STAB2: variants seen among roughly 807,000 people sequenced by gnomAD.
The protein encoded by STAB2 is stabilin-2.
A neutral mutation model predicts 338.1 loss-of-function variants in STAB2; 288 were observed. The ratio of observed to expected loss-of-function variants is 0.85; its 90% CI spans 0.77 to 0.94. STAB2 has a LOEUF of 0.94. Among genes scored for constraint, STAB2 ranks in the 40% least tolerant of loss-of-function variants. The pLI is 0.00. For synonymous variants in STAB2, 1,202 were observed against 1,193.3 expected (o/e 1.01, Z -0.15); for missense variants, 3,141 against 3,210.1 (o/e 0.98, Z 0.52).
chr12:103,707,311 G>T (rs1447823268), intron 38 of STAB2, among the ~76,000 whole-genome samples: 1 of 152,220 alleles, frequency 6.6e-6, no homozygotes, highest in East Asian at 1.9e-4. Context: ...GACATTGCTT[G>T]ATAGTTTGAA....
intron 3 of STAB2, among the ~76,000 whole-genome samples, chr12:103,596,780 C>T (rs532013398): frequency 2.0e-4 from 31 of 151,994 alleles, no homozygotes; most frequent in African/African-American, 6.3e-4. Context: ...GAGGCAAGGT[C>T]CACATCTACA....
At chr12:103,747,458 C>G (rs1324823373) in intron 58 of STAB2, among the ~76,000 whole-genome samples, 1 of 152,186 alleles carries the variant, frequency 6.6e-6, no homozygotes, top group African/African-American at 2.4e-5. Flanking sequence ...TGCCATCGTT[C>G]ACTCACCTCA....
chr12:103,703,065 T>A (rs1204843954), intron 34 of STAB2, 83 bp from the exon 35 acceptor site: 1 of 1,439,074 alleles, frequency 6.9e-7, no homozygotes, highest in Non-Finnish European at 9.4e-7. Flanking sequence ...TAGGCAATTG[T>A]CCTATTGCTA....
chr12:103,733,688 T>G (rs1470352981), intron 51 of STAB2, among the ~76,000 whole-genome samples: 1 of 151,928 alleles, frequency 6.6e-6, no homozygotes, highest in Non-Finnish European at 1.5e-5. Context: ...TAGGAACATA[T>G]GTGATATAGG....
At chr12:103,701,592 T>A (rs538382444) in intron 34 of STAB2, among the ~76,000 whole-genome samples, 4 of 152,382 alleles carry the variant, frequency 2.6e-5, no homozygotes, top group South Asian at 2.1e-4. Context: ...TAGACTTTTT[T>A]AAATGCCAAA....
At chr12:103,609,545 G>C (rs1300281183) in intron 3 of STAB2, among the ~76,000 whole-genome samples, 1 of 152,150 alleles carries the variant, frequency 6.6e-6, no homozygotes, top group Non-Finnish European at 1.5e-5. Context: ...TTTGTATCCT[G>C]AGACTTTGCT....
At position 103,703,247 on chromosome 12, in the gene STAB2, T is replaced by A; in HGVS notation, c.3814T>A (p.Cys1272Ser). The A allele has an allele frequency of 6.2e-7, 1 of 1,613,748 alleles. No homozygotes were observed. The highest frequency in any genetic ancestry group is 1.1e-5 in the South Asian group (1 of 91,074). Residue 1272 changes from cysteine to serine, a missense_variant, in exon 35 of 69, where the codon TGT becomes AGT. Cys to Ser is a moderately radical substitution (Grantham distance 112). Transcript: ENST00000388887. Reference protein sequence around the residue: ...GKVLEIQKNRCDNNDTTIIRG... With the variant: ...GKVLEIQKNRSDNNDTTIIRG... ...AGTTCTGGAAATTCAGAAGAACAGA[T>A]GTGATAATAATGACACTACTATTAT...
chr12:103,686,029 C>T (rs757758199), intron 27 of STAB2, among the ~76,000 whole-genome samples: 4 of 152,172 alleles, frequency 2.6e-5, no homozygotes, highest in Non-Finnish European at 5.9e-5. Context: ...CCTCTACAAC[C>T]ATAAACTCTT....
At chr12:103,610,292 C>A (rs11503460) in intron 3 of STAB2, among the ~76,000 whole-genome samples, 48,895 of 152,030 alleles carry the variant, frequency 0.32, 10,026 homozygotes, top group African/African-American at 0.58. Flanking sequence ...CTCTGGTAGA[C>A]TTCGGCTGTG....
intron 41 of STAB2, among the ~76,000 whole-genome samples, 179 bp from the exon 42 acceptor site, chr12:103,713,464 T>C (rs951758604): frequency 1.3e-5 from 2 of 152,226 alleles, no homozygotes. Flanking sequence ...TAAAAGCAGC[T>C]AGAAAGGGCA....
chr12:103,611,148 G>A (rs1447008359), intron 3 of STAB2, among the ~76,000 whole-genome samples: 1 of 152,192 alleles, frequency 6.6e-6, no homozygotes. Flanking sequence ...GTGGTGCTGA[G>A]AAGAATGTAT....
intron 20 of STAB2, 122 bp downstream of exon 20, chr12:103,668,851 C>A: frequency 1.2e-6 from 1 of 802,170 alleles, no homozygotes; most frequent in Non-Finnish European, 1.9e-6. Flanking sequence ...TGTCTTCCTG[C>A]AGAGGAATCA....
intron 5 of STAB2, among the ~76,000 whole-genome samples, chr12:103,629,432 C>T (rs1190590402): frequency 6.6e-6 from 1 of 152,200 alleles, no homozygotes; most frequent in Non-Finnish European, 1.5e-5. Context: ...ACCATTGGTG[C>T]TCTCCTGGTG....
intron 58 of STAB2, 71 bp from the exon 59 acceptor site, chr12:103,748,892 C>CCATA (rs1883323007): frequency 6.6e-7 from 1 of 1,521,532 alleles, no homozygotes; most frequent in Admixed American, 1.9e-5. Context: ...CTGTGGTGCC[C>CCATA]CATACCCTGA....
At chr12:103,693,761 C>A (rs1239474310) in intron 31 of STAB2, among the ~76,000 whole-genome samples, 2 of 152,116 alleles carry the variant, frequency 1.3e-5, no homozygotes, top group African/African-American at 4.8e-5. Context: ...TTAGGATCTT[C>A]ATTTAAAATG....
At chr12:103,606,834 A>G (rs575607599) in intron 3 of STAB2, among the ~76,000 whole-genome samples, 4 of 152,200 alleles carry the variant, frequency 2.6e-5, no homozygotes, top group Admixed American at 1.3e-4. Flanking sequence ...AATACAAAAA[A>G]TTGGCTGGGC....
intron 10 of STAB2, among the ~76,000 whole-genome samples, chr12:103,649,397 G>A (rs2138723562): frequency 6.6e-6 from 1 of 152,228 alleles, no homozygotes; most frequent in South Asian, 2.1e-4. Context: ...TCATGTATTT[G>A]CAAATGACTT....
intron 3 of STAB2, among the ~76,000 whole-genome samples, chr12:103,601,637 T>C (rs1339865058): frequency 1.3e-5 from 2 of 152,174 alleles, no homozygotes; most frequent in Admixed American, 6.5e-5. Flanking sequence ...CTCTGGCTTC[T>C]GGAATGTGCT....
At chr12:103,619,967 C>T (rs1957272860) in intron 3 of STAB2, among the ~76,000 whole-genome samples, 2 of 152,220 alleles carry the variant, frequency 1.3e-5, no homozygotes, top group South Asian at 4.1e-4. Flanking sequence ...AGGGATGTCT[C>T]TCGGGCTCCC....
Sources: gnomAD v4.1 joint callset for allele counts (sites outside exome capture counted in the v4.1 genomes callset) on GRCh38, gnomAD v4.1.1 for gene constraint, MANE v1.5 for transcripts, NCBI Gene and HGNC (gene_info 2026-07-23, HGNC 2026-07-21) for gene names.